Variants in XIRP2 observed in about 807,000 individuals in gnomAD.
XIRP2 encodes the protein xin actin binding repeat containing 2.
XIRP2 carries 236 observed loss-of-function variants against 277.0 expected under a neutral mutation model. The observed-to-expected ratio is 0.85, with a 90% CI of 0.77 to 0.95. The LOEUF is 0.95. Among genes scored for constraint, XIRP2 ranks in the 40% least tolerant of loss-of-function variants. XIRP2 has a pLI of 0.00. For missense variants in XIRP2, 4,640 were observed against 4,157.5 expected (o/e 1.12, Z -3.19); for synonymous variants, 1,490 against 1,416.5 (o/e 1.05, Z -1.17).
chr2:167,154,685 A>G (rs1336983014), intron 3 of XIRP2, among the ~76,000 whole-genome samples: 1 of 152,150 alleles, frequency 6.6e-6, no homozygotes, highest in African/African-American at 2.4e-5. Context: ...AATTAAAAGA[A>G]CTAGAAAAGC....
At chr2:166,936,252 T>C (rs550038873) in intron 2 of XIRP2, among the ~76,000 whole-genome samples, 1 of 152,332 alleles carries the variant, frequency 6.6e-6, no homozygotes, top group South Asian at 2.1e-4. Context: ...CACTTTTTGA[T>C]GGGGTTGTTT....
intron 2 of XIRP2, among the ~76,000 whole-genome samples, chr2:166,949,306 A>T (rs1344146709): frequency 6.6e-6 from 1 of 152,084 alleles, no homozygotes; most frequent in Non-Finnish European, 1.5e-5. Context: ...TGTGTCCTTA[A>T]ACAACTTACT....
chr2:166,926,391 A>T (rs1255135996), intron 2 of XIRP2, among the ~76,000 whole-genome samples: 3 of 152,136 alleles, frequency 2.0e-5, no homozygotes, highest in Non-Finnish European at 4.4e-5. Context: ...GTCTTGATTT[A>T]AAATAGTGAC....
intron 9 of XIRP2, among the ~76,000 whole-genome samples, chr2:167,253,627 C>T (rs115485704): frequency 0.012 from 1,768 of 151,742 alleles, 15 homozygotes; most frequent in Non-Finnish European, 0.017. Flanking sequence ...ATAGGGAAAA[C>T]TCAATTACCT....
intron 2 of XIRP2, among the ~76,000 whole-genome samples, chr2:167,078,813 G>A (rs1446641877): frequency 7.0e-6 from 1 of 143,148 alleles, no homozygotes; most frequent in East Asian, 2.1e-4. Flanking sequence ...ACTCCAGCCT[G>A]AGCGACACAG....
At chr2:166,925,626 T>TATATATATATAC (rs1316563535) in intron 2 of XIRP2, among the ~76,000 whole-genome samples, 1 of 136,012 alleles carries the variant, frequency 7.4e-6, no homozygotes, top group African/African-American at 2.9e-5. Flanking sequence ...TATATATATA[T>TATATATATATAC]ACATATAAGT....
intron 3 of XIRP2, among the ~76,000 whole-genome samples, chr2:167,167,367 T>A (rs1196947389): frequency 6.6e-6 from 1 of 152,180 alleles, no homozygotes; most frequent in African/African-American, 2.4e-5. Context: ...ATATTTTTCA[T>A]ATTTGTTACT....
chr2:167,219,420 T>C (rs1361025209), intron 5 of XIRP2, among the ~76,000 whole-genome samples: 2 of 151,660 alleles, frequency 1.3e-5, no homozygotes, highest in African/African-American at 4.9e-5. Flanking sequence ...ATTAATAGTT[T>C]AAATAACAAA....
Position 167,258,358 on chromosome 2 carries a change from A to G in XIRP2, c.*541A>G, listed in dbSNP as rs758848984. 2.5e-6 allele frequency: 4 copies of G among 1,613,342 alleles called. No individual in the cohort carries two copies. The highest frequency in any genetic ancestry group is 1.7e-5 in the Admixed American group (1 of 59,916). On this transcript the variant is annotated 3_prime_UTR_variant, in exon 11 of 11. Transcript: ENST00000409195. ...ACTTTCCATTTTTGCAGCCTTATCT[A>G]CAGTCCACCCATGTTTGTCAGAAAG...
chr2:167,115,025 C>A (rs1690859509), intron 2 of XIRP2, among the ~76,000 whole-genome samples: 1 of 152,156 alleles, frequency 6.6e-6, no homozygotes. Flanking sequence ...GCCACACTGA[C>A]TTCCACAATG....
chr2:166,996,937 A>T (rs1213712107), intron 2 of XIRP2, among the ~76,000 whole-genome samples: 1 of 152,200 alleles, frequency 6.6e-6, no homozygotes, highest in African/African-American at 2.4e-5. Flanking sequence ...AAAGAATAAT[A>T]TTTGTCTTTG....
chr2:167,064,686 A>G (rs910979050), intron 2 of XIRP2, among the ~76,000 whole-genome samples: 1 of 151,792 alleles, frequency 6.6e-6, no homozygotes. Flanking sequence ...GTGCCTCTTG[A>G]CAACCACCAA....
chr2:167,032,215 A>T (rs1688384025), intron 2 of XIRP2, among the ~76,000 whole-genome samples: 1 of 152,304 alleles, frequency 6.6e-6, no homozygotes, highest in Middle Eastern at 3.4e-3. Context: ...GGGATTCCCT[A>T]TTTAATAAAT....
intron 2 of XIRP2, among the ~76,000 whole-genome samples, chr2:167,099,877 C>T (rs1283486315): frequency 6.6e-6 from 1 of 152,098 alleles, no homozygotes; most frequent in Non-Finnish European, 1.5e-5. Flanking sequence ...CCAGGTACCT[C>T]AGTTGAAAAT....
At chr2:167,175,223 AG>A (rs1331361458) in intron 3 of XIRP2, among the ~76,000 whole-genome samples, 1 of 152,046 alleles carries the variant, frequency 6.6e-6, no homozygotes, top group African/African-American at 2.4e-5. Context: ...AACTTACTTT[AG>A]AACTTACTTT....
chr2:167,196,965 T>A (rs1221715499), intron 3 of XIRP2, among the ~76,000 whole-genome samples: 1 of 152,160 alleles, frequency 6.6e-6, no homozygotes, highest in Non-Finnish European at 1.5e-5. Context: ...GTATTTGGAA[T>A]TTTTTAGCCA....
At chr2:166,959,388 T>G (rs1038119816) in intron 2 of XIRP2, among the ~76,000 whole-genome samples, 2 of 151,854 alleles carry the variant, frequency 1.3e-5, no homozygotes, top group Non-Finnish European at 2.9e-5. Context: ...GTTCTGCAGA[T>G]ACAAGCCAAA....
At chr2:167,082,836 G>A (rs186325520) in intron 2 of XIRP2, among the ~76,000 whole-genome samples, 5,887 of 152,198 alleles carry the variant, frequency 0.039, 176 homozygotes, top group Non-Finnish European at 0.055. Flanking sequence ...GTAGATTCTG[G>A]ATATTAGCCC....
chr2:166,945,663 C>CTTTTTTTTTTTT (rs71395267), intron 2 of XIRP2, among the ~76,000 whole-genome samples: 1 of 69,264 alleles, frequency 1.4e-5, no homozygotes, highest in Non-Finnish European at 2.5e-5. Flanking sequence ...TAAGATAAAT[C>CTTTTTTTTTTTT]TTTTTTTTTT....
Sources: gnomAD v4.1 joint callset for allele counts (sites outside exome capture counted in the v4.1 genomes callset) on GRCh38, gnomAD v4.1.1 for gene constraint, MANE v1.5 for transcripts, NCBI Gene and HGNC (gene_info 2026-07-23, HGNC 2026-07-21) for gene names.